SYNE1: variants seen among roughly 807,000 people sequenced by gnomAD.
The protein encoded by SYNE1 is spectrin repeat containing nuclear envelope protein 1, also known as nesprin-1.
Under a neutral mutation model 1,111.0 loss-of-function variants are expected in SYNE1, and 616 were observed. The ratio of observed to expected loss-of-function variants is 0.55; its 90% confidence interval spans 0.52 to 0.59. The LOEUF (loss-of-function observed/expected upper bound fraction) is 0.59, where lower values mean the gene tolerates loss of function less well. SYNE1 is among the 20% of genes least tolerant of loss of function. SYNE1 has a pLI of 0.00. For missense variants in SYNE1, 10,006 were observed against 10,417.0 expected, an observed-to-expected ratio of 0.96 and a Z score of 1.72; for synonymous variants, 3,855 against 3,825.8, an observed-to-expected ratio of 1.01 and a Z score of -0.28.
chr6:152,584,633 G>A (rs2099531514), intron 3 of SYNE1, among the ~76,000 whole-genome samples: 1 of 151,944 alleles, frequency 6.6e-6, no homozygotes, highest in Admixed American at 6.6e-5. Flanking sequence ...ACACTTCTGG[G>A]CTCAAGTGAT....
intron 87 of SYNE1, chr6:152,315,814 A>C (rs1371251074): frequency 1.3e-5 from 2 of 152,246 alleles, no homozygotes; most frequent in African/African-American, 2.4e-5. Flanking sequence ...TTGTGGGAAG[A>C]ATACGCAAGA....
chr6:152,182,877 T>A (rs368536060), intron 128 of SYNE1, among the ~76,000 whole-genome samples: 80 of 152,328 alleles, frequency 5.3e-4, no homozygotes, highest in African/African-American at 1.8e-3. Context: ...TAAAAGTTTT[T>A]CTGGGTTGGG....
chr6:152,416,350 GA>G, intron 41 of SYNE1, 36 bp downstream of exon 41: 1 of 1,611,062 alleles, frequency 6.2e-7, no homozygotes, highest in East Asian at 2.2e-5. Context: ...AAATACAAAA[GA>G]AAAGAGACAA....
Position 152,140,128 on chromosome 6 carries a change from T to G in SYNE1, c.25280A>C (p.Gln8427Pro). The change falls in exon 140 of 146, where the codon CAG (glutamine) becomes CCG (proline). Residue 8427 changes from glutamine (Q) to proline (P), a missense_variant. Physicochemically the swap from Gln to Pro is moderately conservative, Grantham distance 76. Coordinates refer to ENST00000367255, the MANE Select transcript of SYNE1 (RefSeq NM_182961.4). Reference sequence around the variant, plus strand: ...CATCCTCAACTCCTTGCTCAATGCCTGGGCCTGGAGAAGCTCCCATCGGTC... The same window carrying G: ...CATCCTCAACTCCTTGCTCAATGCCGGGGCCTGGAGAAGCTCCCATCGGTC... Reference protein sequence around the residue: ...VIDRWELLQAQALSKELRMKQ... With the variant: ...VIDRWELLQAPALSKELRMKQ... 1 of 1,614,186 alleles carries G rather than the reference T, an allele frequency of 6.2e-7. No individual in the cohort carries two copies. Among genetic ancestry groups the G allele is most frequent in the Non-Finnish European group, 8.5e-7 (1 of 1,180,020 alleles).
At chr6:152,622,130 A>G (rs931731886) in intron 3 of SYNE1, among the ~76,000 whole-genome samples, 11 of 152,312 alleles carry the variant, frequency 7.2e-5, no homozygotes, top group Non-Finnish European at 1.6e-4. Context: ...ATTTGAGATA[A>G]TTTTACACAA....
intron 100 of SYNE1, among the ~76,000 whole-genome samples, chr6:152,266,320 T>C (rs865883194): frequency 6.6e-6 from 1 of 152,184 alleles, no homozygotes; most frequent in South Asian, 2.1e-4. Flanking sequence ...TTAGTGATGA[T>C]ACATACAGAG....
rs753867259 is a variant in SYNE1 at position 152,244,503 on chromosome 6, C to G, written c.19692+34G>C. Reference sequence around the variant, plus strand: ...TTCTAGACTTCAAGTTTGATGTACCCCTGCAGCTGAATACTACTGGCTGAA... The same window carrying G: ...TTCTAGACTTCAAGTTTGATGTACCGCTGCAGCTGAATACTACTGGCTGAA... On this transcript the variant is annotated intron_variant, in intron 106 of 145. Transcript: ENST00000367255. 3 of 1,613,538 alleles carry G rather than the reference C, an allele frequency of 1.9e-6. No individual in the cohort carries two copies. In the African/African-American group the frequency reaches 4.0e-5, roughly 22 times the overall value.
intron 91 of SYNE1, among the ~76,000 whole-genome samples, chr6:152,303,622 A>T (rs2153818140): frequency 6.6e-6 from 1 of 152,242 alleles, no homozygotes; most frequent in Non-Finnish European, 1.5e-5. Flanking sequence ...TTCTGATGTA[A>T]AATGGCATAG....
chr6:152,623,936 GTTTTC>G (rs55890630), intron 3 of SYNE1, among the ~76,000 whole-genome samples: 102,003 of 151,138 alleles, frequency 0.67, 34,467 homozygotes, highest in Non-Finnish European at 0.7. Context: ...TTAGTCTGAA[GTTTTC>G]TTTTGTGTAA....
Position 152,488,629 on chromosome 6 carries a change from C to T in SYNE1, c.940-126G>A, listed in dbSNP as rs997506726. On this transcript the variant is annotated intron_variant, in intron 11 of 145. Coordinates refer to ENST00000367255, the MANE Select transcript of SYNE1 (RefSeq NM_182961.4). ...GTCCCAACTGTCTCTGAAAAATTTCCTTTCTCCTTACCCCCACCTTTAGGA... is the reference window on the plus strand; with the variant it reads ...GTCCCAACTGTCTCTGAAAAATTTCTTTTCTCCTTACCCCCACCTTTAGGA... 27 of 622,744 alleles carry T rather than the reference C, an allele frequency of 4.3e-5. No individual in the cohort carries two copies. In the African/African-American group the frequency reaches 4.8e-4, roughly 11 times the overall value. 38.6% of individuals were successfully genotyped at this position (622,744 alleles called of 1,614,324 possible).
chr6:152,616,454 T>A (rs1273135831), intron 3 of SYNE1, among the ~76,000 whole-genome samples: 2 of 152,134 alleles, frequency 1.3e-5, no homozygotes, highest in African/African-American at 4.8e-5. Flanking sequence ...CATATGCCTG[T>A]CATCCCAGCT....
chr6:152,251,319 G>A (rs1200190323), intron 104 of SYNE1, among the ~76,000 whole-genome samples: 1 of 152,082 alleles, frequency 6.6e-6, no homozygotes, highest in Non-Finnish European at 1.5e-5. Context: ...AGGAAACACA[G>A]AGTTCATATT....
intron 56 of SYNE1, among the ~76,000 whole-genome samples, chr6:152,377,625 AAAAAAAAAAAAAAAAAT>A (rs2097308504): frequency 1.9e-5 from 2 of 107,698 alleles, no homozygotes; most frequent in Non-Finnish European, 3.5e-5. Context: ...AAAAAAAAAA[AAAAAAAAAAAAAAAAAT>A]ATATATATAT....
At position 152,318,855 on chromosome 6, in the gene SYNE1, C is replaced by T. The variant is rs2095801860; in HGVS notation, c.16389+8G>A. The T allele has an allele frequency of 6.2e-7, 1 of 1,613,938 alleles. No homozygotes were observed. The highest frequency in any genetic ancestry group is 8.5e-7 in the Non-Finnish European group (1 of 1,179,994). On this transcript the variant is annotated splice_region_variant and intron_variant, in intron 85 of 145. Transcript: ENST00000367255. ...TTCAGTAGTACCCTTTAAAATTCTA[C>T]TTCTTACCTTTTGGTCAGTTTTAGC...
At chr6:152,196,239 A>G (rs2074076154) in intron 127 of SYNE1, among the ~76,000 whole-genome samples, 1 of 152,112 alleles carries the variant, frequency 6.6e-6, no homozygotes, top group Non-Finnish European at 1.5e-5. Context: ...CCTGGAATTG[A>G]GTACCCCTGG....
At chr6:152,316,744 G>A in intron 87 of SYNE1, 105 bp downstream of exon 87, 1 of 1,359,648 alleles carries the variant, frequency 7.4e-7, no homozygotes, top group Non-Finnish European at 1.0e-6. Context: ...TTATCTGGTA[G>A]CTCCAAAAAT....
chr6:152,598,963 C>A (rs952986259), intron 3 of SYNE1, among the ~76,000 whole-genome samples: 2 of 152,146 alleles, frequency 1.3e-5, no homozygotes, highest in Non-Finnish European at 2.9e-5. Context: ...ATGTTATTAT[C>A]TTTCTTAATA....
chr6:152,303,102 T>C (rs2095256384), intron 91 of SYNE1, among the ~76,000 whole-genome samples: 1 of 148,734 alleles, frequency 6.7e-6, no homozygotes, highest in Admixed American at 6.7e-5. Context: ...ATTATTCTTT[T>C]TTTTTTTTTT....
chr6:152,561,068 C>T lies in SYNE1; in HGVS notation c.68-21047G>A, dbSNP rs181380127. 5.3e-5 allele frequency among the ~76,000 whole-genome samples: 8 copies of T among 152,148 alleles called. No homozygotes were observed. In the East Asian group the frequency reaches 1.2e-3, roughly 22 times the overall value. ...ATTCAACATAACACTGAAATTCCTA[C>T]CCAAATCAATTAAGCAAGCAAAAGC... is the stretch of plus-strand genomic sequence containing the variant. On this transcript the variant is annotated intron_variant, in intron 3 of 145. Transcript: ENST00000367255.
Sources: gnomAD v4.1 joint callset for allele counts (sites outside exome capture counted in the v4.1 genomes callset) on GRCh38, gnomAD v4.1.1 for gene constraint, MANE v1.5 for transcripts, NCBI Gene and HGNC (gene_info 2026-07-23, HGNC 2026-07-21) for gene names.